SH3RF1: variants seen among roughly 807,000 people sequenced by gnomAD.
The protein encoded by SH3RF1 is SH3 domain containing ring finger 1.
A neutral mutation model predicts 74.0 loss-of-function variants in SH3RF1; 32 were observed. That is an observed-to-expected ratio of 0.43 (90% CI 0.33 to 0.58). The LOEUF is 0.58. Ranked by LOEUF, SH3RF1 falls within the 20% of genes least tolerant of loss-of-function variation. The pLI is 0.05. For missense variants in SH3RF1, 954 were observed against 1,130.9 expected (o/e 0.84, Z 2.24); for synonymous variants, 396 against 439.6 (o/e 0.90, Z 1.24).
chr4:169,130,618 T>C (rs1236270407), intron 5 of SH3RF1, among the ~76,000 whole-genome samples: 1 of 152,214 alleles, frequency 6.6e-6, no homozygotes, highest in African/African-American at 2.4e-5. Context: ...ATTTTCAGGA[T>C]CATTTTTCAT....
intron 10 of SH3RF1, among the ~76,000 whole-genome samples, chr4:169,112,663 G>A (rs972169208): frequency 6.6e-6 from 1 of 152,138 alleles, no homozygotes; most frequent in African/African-American, 2.4e-5. Context: ...TAAAGGGCAC[G>A]TACAAAAAGA....
chr4:169,191,589 C>T (rs2126984804), intron 2 of SH3RF1, among the ~76,000 whole-genome samples: 1 of 152,170 alleles, frequency 6.6e-6, no homozygotes, highest in East Asian at 1.9e-4. Context: ...AAAGCCAAAG[C>T]AAGACTAAGC....
intron 2 of SH3RF1, among the ~76,000 whole-genome samples, chr4:169,192,329 T>C (rs1249402997): frequency 7.5e-6 from 1 of 133,610 alleles, no homozygotes; most frequent in African/African-American, 2.8e-5. Flanking sequence ...AATGCAAACA[T>C]GAATAGACAG....
intron 2 of SH3RF1, among the ~76,000 whole-genome samples, chr4:169,173,149 G>A (rs1734360316): frequency 6.6e-6 from 1 of 152,046 alleles, no homozygotes. Context: ...TGCAATTGAA[G>A]CCTTCTGTAT....
rs1442664719 is a variant in SH3RF1 at position 169,136,392 on chromosome 4, T to C, written c.994A>G (p.Ile332Val). 6.3e-7 allele frequency: 1 copy of C among 1,594,934 alleles called. No individual in the cohort carries two copies. Reference sequence around the variant, plus strand: ...GCAGCAGTGGGGTTGCTGGAGCTGATGAGGACAGGGGGGCTGATCTCCATG... The same window carrying C: ...GCAGCAGTGGGGTTGCTGGAGCTGACGAGGACAGGGGGGCTGATCTCCATG... ...HSMEISPPVL[I>V]SSSNPTAAAR... The change falls in exon 5 of 12, where the codon ATC (isoleucine) becomes GTC (valine). Residue 332 changes from isoleucine to valine, a missense_variant. Around this residue, in one of 3 missense-constraint regions of SH3RF1, gnomAD observed 854 missense variants for 962.5 expected, o/e 0.89. Coordinates refer to ENST00000284637, the MANE Select transcript of SH3RF1 (RefSeq NM_020870.4).
chr4:169,113,961 CG>C (rs1451891817), intron 10 of SH3RF1, among the ~76,000 whole-genome samples: 2 of 152,018 alleles, frequency 1.3e-5, no homozygotes, highest in Non-Finnish European at 2.9e-5. Context: ...TAAAGAACAA[CG>C]GTTGGAAGGT....
intron 2 of SH3RF1, among the ~76,000 whole-genome samples, chr4:169,197,710 A>C (rs769379412): frequency 7.2e-5 from 11 of 152,038 alleles, no homozygotes; most frequent in Non-Finnish European, 1.6e-4. Flanking sequence ...ATGATGTAAT[A>C]ACCCTTTCAT....
In SH3RF1 at chr4:169,191,463, T is replaced by C. The variant is rs545807811; in HGVS notation, c.394-34784A>G. On this transcript the variant is annotated intron_variant, in intron 2 of 11. Transcript: ENST00000284637. ...AGAATCAATATTGTGAAAATGACCATACAGCCAAAAGCAATCTACAAATTC... is the reference window on the plus strand; with the variant it reads ...AGAATCAATATTGTGAAAATGACCACACAGCCAAAAGCAATCTACAAATTC... 2.3e-3 allele frequency among the ~76,000 whole-genome samples: 356 copies of C among 152,144 alleles called. 1 individual carries two copies. Among genetic ancestry groups the C allele is most frequent in the Non-Finnish European group, 4.4e-3 (301 of 67,990 alleles).
intron 2 of SH3RF1, among the ~76,000 whole-genome samples, chr4:169,180,563 G>C (rs1734493253): frequency 6.6e-6 from 1 of 152,320 alleles, no homozygotes; most frequent in South Asian, 2.1e-4. Context: ...AGTAAACAAG[G>C]GGAGTATGGC....
At chr4:169,257,088 T>G (rs1260633027) in intron 2 of SH3RF1, among the ~76,000 whole-genome samples, 1 of 152,068 alleles carries the variant, frequency 6.6e-6, no homozygotes, top group Non-Finnish European at 1.5e-5. Flanking sequence ...ATGAAGAAAT[T>G]AGGTAAGGAA....
Position 169,116,623 on chromosome 4 carries a change from C to T in SH3RF1, c.1785G>A (p.Ala595=), listed in dbSNP as rs528361329. Residue 595 remains alanine (A), a synonymous_variant, in exon 10 of 12, where the codon GCG becomes GCA. Transcript: ENST00000284637. ...CTGCCGTGGGGCGTTCCTGGTTGTG[C>T]GCTGCAACTAGTAGATGGGAAGAGG... ...QARNAVRTVA[A]HNQERPTAAV... is the part of the protein sequence containing the mutation. 110 of 1,534,838 alleles carry T rather than the reference C, an allele frequency of 7.2e-5. No homozygotes were observed. The highest frequency in any genetic ancestry group is 5.2e-5 in the South Asian group (4 of 77,364).
intron 2 of SH3RF1, among the ~76,000 whole-genome samples, chr4:169,263,055 T>C (rs1316287303): frequency 6.6e-6 from 1 of 152,196 alleles, no homozygotes; most frequent in Non-Finnish European, 1.5e-5. Flanking sequence ...ACAGAAACAT[T>C]TCCCTCATCC....
At chr4:169,144,941 C>T (rs1234303068) in intron 4 of SH3RF1, among the ~76,000 whole-genome samples, 1 of 152,026 alleles carries the variant, frequency 6.6e-6, no homozygotes, top group African/African-American at 2.4e-5. Context: ...AAGCAAAAGG[C>T]CCTCAGAATC....
chr4:169,174,074 C>T (rs923845112), intron 2 of SH3RF1, among the ~76,000 whole-genome samples: 3 of 151,754 alleles, frequency 2.0e-5, no homozygotes, highest in Non-Finnish European at 4.4e-5. Context: ...AAAACCAATG[C>T]TTTTCTTGAG....
At chr4:169,247,887 A>G (rs1334357274) in intron 2 of SH3RF1, among the ~76,000 whole-genome samples, 2 of 152,248 alleles carry the variant, frequency 1.3e-5, no homozygotes, top group African/African-American at 4.8e-5. Context: ...CAAACATGAA[A>G]AAAAGCACAT....
chr4:169,120,567 C>T (rs1357745232), intron 8 of SH3RF1, among the ~76,000 whole-genome samples: 3 of 152,166 alleles, frequency 2.0e-5, no homozygotes, highest in Non-Finnish European at 2.9e-5. Flanking sequence ...AACCTTCTCC[C>T]ATTAAAGCAA....
At chr4:169,269,795 C>T (rs1163860893) in intron 1 of SH3RF1, 1 of 152,180 alleles carries the variant, frequency 6.6e-6, no homozygotes, top group African/African-American at 2.4e-5. Flanking sequence ...GTAAATGATC[C>T]CAATATTAAA....
intron 2 of SH3RF1, among the ~76,000 whole-genome samples, chr4:169,241,212 A>G (rs889431362): frequency 4.1e-4 from 63 of 152,350 alleles, no homozygotes; most frequent in African/African-American, 1.4e-3. Flanking sequence ...CCTGGGCGAC[A>G]GAGCGAGACT....
At chr4:169,235,633 A>G (rs1251276085) in intron 2 of SH3RF1, among the ~76,000 whole-genome samples, 3 of 152,182 alleles carry the variant, frequency 2.0e-5, no homozygotes, top group Admixed American at 6.5e-5. Context: ...ATAATATGCC[A>G]TATTAATCAT....
Sources: gnomAD v4.1 joint callset for allele counts (sites outside exome capture counted in the v4.1 genomes callset) on GRCh38, gnomAD v4.1.1 for gene constraint, gnomAD v4.1.1 regional missense constraint, MANE v1.5 for transcripts, NCBI Gene and HGNC (gene_info 2026-07-23, HGNC 2026-07-21) for gene names.